The following DPP6 variants were observed in gnomAD, a reference collection of about 807,000 sequenced individuals.
DPP6 encodes the protein dipeptidyl peptidase like 6.
A neutral mutation model predicts 122.6 loss-of-function variants in DPP6; 69 were observed. The ratio of observed to expected loss-of-function variants is 0.56; its 90% CI spans 0.46 to 0.69. The LOEUF (loss-of-function observed/expected upper bound fraction) is 0.69. Ranked by LOEUF, DPP6 falls within the 30% of genes least tolerant of loss-of-function variation. The pLI, the probability that DPP6 is intolerant of heterozygous loss-of-function variation, is 0.00. For synonymous variants in DPP6, 418 were observed against 433.1 expected, an observed-to-expected ratio of 0.97 and a Z score of 0.43; for missense variants, 928 against 1,116.9, an observed-to-expected ratio of 0.83 and a Z score of 2.41.
intron 1 of DPP6, among the ~76,000 whole-genome samples, chr7:154,079,594 C>T (rs1170786573): frequency 6.6e-6 from 1 of 152,090 alleles, no homozygotes; most frequent in East Asian, 1.9e-4. Context: ...CAAGCACGGC[C>T]CCTTTGAGGT....
At chr7:154,437,821 T>C (rs1973358) in intron 1 of DPP6, among the ~76,000 whole-genome samples, 128,434 of 152,078 alleles carry the variant, frequency 0.84, 54,412 homozygotes, top group African/African-American at 0.92. Flanking sequence ...CTGTAATCCG[T>C]GTTACTTGGG....
At chr7:154,333,956 G>A (rs1170132968) in intron 1 of DPP6, among the ~76,000 whole-genome samples, 2 of 152,140 alleles carry the variant, frequency 1.3e-5, no homozygotes, top group Admixed American at 1.3e-4. Context: ...TTAGAAATTA[G>A]ATTTTAGTAG....
chr7:153,757,679 C>T, the DPP6 span, among the ~76,000 whole-genome samples: 6 of 152,284 alleles, frequency 3.9e-5, no homozygotes, highest in South Asian at 2.1e-4. Context: ...AACCATGGGC[C>T]GGGCACGGTG....
chr7:154,227,609 A>G (rs1330392177), intron 1 of DPP6, among the ~76,000 whole-genome samples: 5 of 152,228 alleles, frequency 3.3e-5, no homozygotes, highest in South Asian at 2.1e-4. Flanking sequence ...TTCAAGCACC[A>G]TGGCAGATGT....
chr7:154,029,633 T>C (rs1048358772), intron 1 of DPP6, among the ~76,000 whole-genome samples: 7 of 142,264 alleles, frequency 4.9e-5, no homozygotes, highest in African/African-American at 1.6e-4. Context: ...GATCATGAGG[T>C]CAGGAGATCG....
rs1343049399 is a variant in DPP6, at chr7:154,038,351, T to C, written c.51+150617T>C. 4.2e-3 allele frequency: 305 copies of C among 72,322 alleles called. 4 individuals carry two copies. The highest frequency in any genetic ancestry group is 0.02 in the African/African-American group (297 of 15,056). The allele number at this position is 72,322 out of a possible 1,614,324, so 4.5% of individuals were successfully genotyped here. A position where few individuals can be genotyped will look rare whatever the true frequency, so the allele number is the denominator to read the frequency against. The stretch of plus-strand genomic sequence containing the variant: ...TGGAAGGAGCCCACCCCACATGCAG[T>C]TGAAAAACACAGCATGGCAGATTTT... On this transcript the variant is annotated intron_variant, in intron 1 of 25. Transcript: ENST00000404039.
intron 1 of DPP6, among the ~76,000 whole-genome samples, chr7:154,358,097 T>G (rs1341634424): frequency 6.6e-6 from 1 of 152,222 alleles, no homozygotes; most frequent in Non-Finnish European, 1.5e-5. Flanking sequence ...AGATTTTAAT[T>G]TTTATGATAA....
the DPP6 span, among the ~76,000 whole-genome samples, chr7:153,753,084 G>T: frequency 6.6e-6 from 1 of 151,526 alleles, no homozygotes; most frequent in Admixed American, 6.6e-5. Context: ...AAAATTCTTC[G>T]CTCTATCTGA....
intron 7 of DPP6, among the ~76,000 whole-genome samples, chr7:154,722,787 G>C: frequency 6.6e-6 from 1 of 152,084 alleles, no homozygotes; most frequent in East Asian, 1.9e-4. Context: ...GGAACTCAGA[G>C]GAGCCTGAGT....
intron 1 of DPP6, among the ~76,000 whole-genome samples, chr7:154,287,973 T>C (rs1331550242): frequency 1.3e-5 from 2 of 152,086 alleles, no homozygotes; most frequent in Non-Finnish European, 2.9e-5. Context: ...AGAAAATAAG[T>C]CCGGTAAAAA....
At chr7:154,716,483 C>T (rs1012129286) in intron 7 of DPP6, among the ~76,000 whole-genome samples, 4 of 152,166 alleles carry the variant, frequency 2.6e-5, no homozygotes, top group African/African-American at 7.2e-5. Context: ...CCATGCACAC[C>T]GAATGAATTC....
At chr7:153,886,581 A>T (rs1436479864), upstream of DPP6, among the ~76,000 whole-genome samples, 1 of 152,132 alleles carries the variant, frequency 6.6e-6, no homozygotes, top group Non-Finnish European at 1.5e-5. Flanking sequence ...CCGGGAAGCC[A>T]GGTGTGCGGC....
chr7:153,895,517 G>A (rs73494318), intron 1 of DPP6, among the ~76,000 whole-genome samples: 5,850 of 152,252 alleles, frequency 0.038, 350 homozygotes, highest in African/African-American at 0.13. Flanking sequence ...TTGGCATCAT[G>A]ATTTCTTCTG....
chr7:154,660,573 T>TTGG (rs1837585872), intron 6 of DPP6, among the ~76,000 whole-genome samples: 3 of 139,016 alleles, frequency 2.2e-5, no homozygotes, highest in South Asian at 2.3e-4. Context: ...CCATGGCGTA[T>TTGG]CGGCCGTAGT....
chr7:154,696,084 G>A lies in DPP6; in HGVS notation c.762+26643G>A, dbSNP rs190023587. On this transcript the variant is annotated intron_variant, in intron 7 of 25. Transcript: ENST00000377770. ...GGCTTCAGTCCAGGGACTCCATGCCGGGCGCTGAACCACCTCCACAAAACT... is the reference window on the plus strand; with the variant it reads ...GGCTTCAGTCCAGGGACTCCATGCCAGGCGCTGAACCACCTCCACAAAACT... Among the ~76,000 whole-genome samples, 364 of 152,314 alleles carry A rather than the reference G, an allele frequency of 2.4e-3. 3 individuals carry two copies. Among genetic ancestry groups the A allele is most frequent in the African/African-American group, 8.1e-3 (337 of 41,568 alleles).
intron 1 of DPP6, among the ~76,000 whole-genome samples, chr7:154,156,780 G>T (rs551539574): frequency 6.6e-6 from 1 of 152,168 alleles, no homozygotes; most frequent in Non-Finnish European, 1.5e-5. Context: ...TAGGTAGGTA[G>T]GTAGGTAGGT....
intron 1 of DPP6, among the ~76,000 whole-genome samples, chr7:154,345,855 T>C (rs1810352617): frequency 6.6e-6 from 1 of 152,204 alleles, no homozygotes; most frequent in South Asian, 2.1e-4. Flanking sequence ...GACATTCTCA[T>C]TCCAGAGCAA....
At chr7:154,154,500 T>A (rs1796584469) in intron 1 of DPP6, among the ~76,000 whole-genome samples, 1 of 152,186 alleles carries the variant, frequency 6.6e-6, no homozygotes, top group Non-Finnish European at 1.5e-5. Context: ...ATATTACTGA[T>A]GCAATCCAAG....
the DPP6 span, among the ~76,000 whole-genome samples, chr7:153,764,868 A>G: frequency 1.3e-5 from 2 of 152,056 alleles, no homozygotes; most frequent in Admixed American, 6.6e-5. Flanking sequence ...CTCTCTTCAC[A>G]TGGGGCTGCC....
Sources: gnomAD v4.1 joint callset for allele counts (sites outside exome capture counted in the v4.1 genomes callset) on GRCh38, gnomAD v4.1.1 for gene constraint, MANE v1.5 for transcripts, NCBI Gene and HGNC (gene_info 2026-07-23, HGNC 2026-07-21) for gene names.